RGS17: variants seen among roughly 807,000 people sequenced by gnomAD.
RGS17 encodes regulator of G protein signaling 17.
Under a neutral mutation model 25.5 loss-of-function variants are expected in RGS17, and 12 were observed. The ratio of observed to expected loss-of-function variants is 0.47; its 90% CI spans 0.30 to 0.76. RGS17 has a LOEUF of 0.76. Ranked by LOEUF, RGS17 falls within the 30% of genes least tolerant of loss-of-function variation. RGS17 has a pLI of 0.07. For missense variants in RGS17, 196 were observed against 242.2 expected (o/e 0.81, Z 1.27); for synonymous variants, 71 against 76.9 (o/e 0.92, Z 0.40).
chr6:153,083,041 C>T (rs1777005625), intron 1 of RGS17, among the ~76,000 whole-genome samples: 3 of 152,158 alleles, frequency 2.0e-5, no homozygotes, highest in Non-Finnish European at 4.4e-5. Flanking sequence ...TGGTTTACAG[C>T]TCTTCTCCTT....
At chr6:153,028,160 T>C (rs142877313) in intron 2 of RGS17, among the ~76,000 whole-genome samples, 19 of 152,122 alleles carry the variant, frequency 1.2e-4, no homozygotes, top group African/African-American at 3.6e-4. Flanking sequence ...ATAGAAAACA[T>C]AGGATTTCAT....
chr6:153,011,856 T>C, intron 4 of RGS17, 94 bp from the exon 5 acceptor site: 1 of 891,512 alleles, frequency 1.1e-6, no homozygotes, highest in Non-Finnish European at 1.7e-6. Flanking sequence ...AGAGAAACTT[T>C]AAAGAGCAAA....
intron 1 of RGS17, among the ~76,000 whole-genome samples, chr6:153,107,122 C>CAAA (rs1777395898): frequency 6.6e-6 from 1 of 151,544 alleles, no homozygotes; most frequent in African/African-American, 2.4e-5. Context: ...CACCTGAGGT[C>CAAA]AGAAGTTCAA....
intron 1 of RGS17, among the ~76,000 whole-genome samples, chr6:153,094,660 G>A (rs1264474414): frequency 6.6e-6 from 1 of 152,142 alleles, no homozygotes; most frequent in Non-Finnish European, 1.5e-5. Context: ...AGTGTTTTGA[G>A]ATACTCTCGA....
intron 1 of RGS17, among the ~76,000 whole-genome samples, chr6:153,068,829 AC>A (rs1776744447): frequency 6.6e-6 from 1 of 152,224 alleles, no homozygotes; most frequent in African/African-American, 2.4e-5. Context: ...AGACAGAGAG[AC>A]GGCAAACAGG....
In RGS17 at chr6:153,077,826, G is replaced by A. The variant is rs9384076; in HGVS notation, c.-25-33783C>T. Among the ~76,000 whole-genome samples, 10 of 151,854 alleles carry A rather than the reference G, an allele frequency of 6.6e-5. No individual in the cohort carries two copies. The East Asian group carries it at 1.9e-3, about 29-fold the overall frequency. ...CAAGACATACTGACCATATATCTGT[G>A]AGTTTATATTTGGAGTCTCTAATGT... On this transcript the variant is annotated intron_variant, in intron 1 of 4. Transcript: ENST00000206262.
At chr6:153,114,937 A>G (rs1777522798) in intron 1 of RGS17, among the ~76,000 whole-genome samples, 1 of 152,212 alleles carries the variant, frequency 6.6e-6, no homozygotes, top group Non-Finnish European at 1.5e-5. Context: ...TCTCAAAATA[A>G]TAAGAGCTAT....
intron 1 of RGS17, among the ~76,000 whole-genome samples, chr6:153,077,269 C>G (rs1776896807): frequency 6.6e-6 from 1 of 152,094 alleles, no homozygotes; most frequent in African/African-American, 2.4e-5. Context: ...TCTTGGGCTC[C>G]TTGCAAAATC....
At chr6:153,057,418 G>A (rs1020450060) in intron 1 of RGS17, among the ~76,000 whole-genome samples, 3 of 151,998 alleles carry the variant, frequency 2.0e-5, no homozygotes, top group African/African-American at 4.8e-5. Context: ...GCAGTCTCTC[G>A]TATCACCACT....
At chr6:153,115,074 G>T (rs1777524656) in intron 1 of RGS17, among the ~76,000 whole-genome samples, 1 of 152,100 alleles carries the variant, frequency 6.6e-6, no homozygotes, top group Admixed American at 6.6e-5. Flanking sequence ...TGGAAGTTCT[G>T]GCCAGGGCAA....
In RGS17 at chr6:153,004,676, T is replaced by G. The variant is rs1161866433; in HGVS notation, c.*6898A>C. On this transcript the variant is annotated 3_prime_UTR_variant, in exon 5 of 5. Transcript: ENST00000206262. Reference sequence around the variant, plus strand: ...CTGTTACATGGTGAAAATTCTAGCATTTTCCAGAAGTATATTATTGTACAT... The same window carrying G: ...CTGTTACATGGTGAAAATTCTAGCAGTTTCCAGAAGTATATTATTGTACAT... 1 of 152,108 alleles carries G rather than the reference T, an allele frequency of 6.6e-6. No homozygotes were observed. The highest frequency in any genetic ancestry group is 2.4e-5 in the African/African-American group (1 of 41,428). 9.4% of individuals were successfully genotyped at this position (152,108 alleles called of 1,614,324 possible).
chr6:153,031,163 T>A (rs1293218713), intron 2 of RGS17, among the ~76,000 whole-genome samples: 3 of 152,204 alleles, frequency 2.0e-5, no homozygotes, highest in Non-Finnish European at 4.4e-5. Context: ...AAGAAAATGA[T>A]GAGGTGGACT....
chr6:153,040,791 A>C (rs756243584), intron 2 of RGS17, among the ~76,000 whole-genome samples: 1 of 152,034 alleles, frequency 6.6e-6, no homozygotes, highest in Non-Finnish European at 1.5e-5. Context: ...GGACATTTTC[A>C]TTTGCAATAA....
At chr6:153,014,983 A>T (rs1443351713) in intron 4 of RGS17, among the ~76,000 whole-genome samples, 1 of 152,208 alleles carries the variant, frequency 6.6e-6, no homozygotes, top group African/African-American at 2.4e-5. Context: ...GAAAAAGTTG[A>T]TTCCAACCCT....
chr6:153,079,283 G>T (rs9479501), intron 1 of RGS17, among the ~76,000 whole-genome samples: 25,177 of 152,044 alleles, frequency 0.17, 2,417 homozygotes, highest in Non-Finnish European at 0.22. Context: ...TCACCATGTT[G>T]TCCAGGCTGG....
At chr6:153,054,739 T>TAA (rs11389990) in intron 1 of RGS17, among the ~76,000 whole-genome samples, 5 of 151,188 alleles carry the variant, frequency 3.3e-5, no homozygotes, top group African/African-American at 9.7e-5. Context: ...TCAACCGGCT[T>TAA]AAAAAAAACA....
At chr6:153,058,085 A>C (rs1170821842) in intron 1 of RGS17, among the ~76,000 whole-genome samples, 1 of 152,222 alleles carries the variant, frequency 6.6e-6, no homozygotes, top group African/African-American at 2.4e-5. Flanking sequence ...AGAACACATA[A>C]GTACATCCAT....
intron 1 of RGS17, among the ~76,000 whole-genome samples, chr6:153,126,594 C>G (rs1439053138): frequency 6.6e-6 from 1 of 152,138 alleles, no homozygotes; most frequent in Non-Finnish European, 1.5e-5. Context: ...TCCTCAAAGA[C>G]AAAAACTGCT....
At chr6:153,063,015 T>C (rs909520020) in intron 1 of RGS17, among the ~76,000 whole-genome samples, 30 of 152,312 alleles carry the variant, frequency 2.0e-4, no homozygotes, top group Middle Eastern at 3.4e-3. Context: ...ACAGCATTAC[T>C]GGGCTCGGGG....
Sources: allele counts gnomAD v4.1 joint callset (sites outside exome capture counted in the v4.1 genomes callset), GRCh38; gene constraint gnomAD v4.1.1; transcripts MANE v1.5; gene names NCBI Gene and HGNC (gene_info 2026-07-23, HGNC 2026-07-21).